MGAT4C: variants seen among roughly 807,000 people sequenced by gnomAD.
The protein encoded by MGAT4C is MGAT4 family member C.
A neutral mutation model predicts 40.1 loss-of-function variants in MGAT4C; 19 were observed. The ratio of observed to expected loss-of-function variants is 0.47; its 90% CI spans 0.33 to 0.70. The LOEUF is 0.70. Ranked by LOEUF, MGAT4C falls within the 30% of genes least tolerant of loss-of-function variation. The pLI is 0.02. For synonymous variants in MGAT4C, 181 were observed against 187.1 expected (o/e 0.97, Z 0.27); for missense variants, 491 against 563.2 (o/e 0.87, Z 1.30).
intron 1 of MGAT4C, among the ~76,000 whole-genome samples, chr12:86,130,286 T>TAAA (rs10650827): frequency 0.63 from 95,439 of 151,508 alleles, 30,600 homozygotes; most frequent in East Asian, 0.93. Context: ...ATCACAAAAA[T>TAAA]GAAAATACCC....
chr12:86,721,764 CA>C (rs1181577569), intron 2 of MGAT4C, among the ~76,000 whole-genome samples: 1 of 151,894 alleles, frequency 6.6e-6, no homozygotes, highest in African/African-American at 2.4e-5. Context: ...TAAGATTGAA[CA>C]AAAAAACACA....
chr12:86,721,107 A>G (rs953659936), intron 2 of MGAT4C, among the ~76,000 whole-genome samples: 45 of 152,180 alleles, frequency 3.0e-4, no homozygotes, highest in African/African-American at 9.4e-4. Context: ...TTATTGACTC[A>G]TGCTTGAAAA....
rs563750284 is a variant in MGAT4C, at chr12:86,180,047, C to T, written c.-57+76192G>A. 3.3e-5 allele frequency among the ~76,000 whole-genome samples: 5 copies of T among 152,328 alleles called. No individual in the cohort carries two copies. In the East Asian group the frequency reaches 9.7e-4, roughly 29 times the overall value. On this transcript the variant is annotated intron_variant, in intron 1 of 4. Transcript: ENST00000611864. Reference sequence around the variant, plus strand: ...AAACAGTTTTGTGGGCCAGGCCAGGCTCCCTGTGCTGTGTGCACCCTTGGG... The same window carrying T: ...AAACAGTTTTGTGGGCCAGGCCAGGTTCCCTGTGCTGTGTGCACCCTTGGG...
chr12:86,180,674 GC>G (rs1888013776), intron 1 of MGAT4C, among the ~76,000 whole-genome samples: 1 of 152,164 alleles, frequency 6.6e-6, no homozygotes, highest in African/African-American at 2.4e-5. Flanking sequence ...ACTAGCATGG[GC>G]CCTCTTACCC....
At chr12:86,411,830 G>C (rs1329529477) in intron 3 of MGAT4C, among the ~76,000 whole-genome samples, 1 of 152,166 alleles carries the variant, frequency 6.6e-6, no homozygotes. Flanking sequence ...CGGAGGACTA[G>C]GATTGAAGAA....
At chr12:86,743,003 ATGTG>A (rs1258242273) in intron 1 of MGAT4C, among the ~76,000 whole-genome samples, 1 of 150,286 alleles carries the variant, frequency 6.7e-6, no homozygotes, top group South Asian at 2.1e-4. Context: ...GTATGTGTGT[ATGTG>A]TATGTGTGTA....
chr12:86,441,365 T>TTAC (rs1228269863), intron 2 of MGAT4C, among the ~76,000 whole-genome samples: 4 of 151,254 alleles, frequency 2.6e-5, no homozygotes, highest in Non-Finnish European at 4.4e-5. Context: ...ATTATTATTA[T>TTAC]ACTTTAAGTT....
At chr12:86,517,790 C>T (rs986293461) in intron 2 of MGAT4C, among the ~76,000 whole-genome samples, 30 of 152,144 alleles carry the variant, frequency 2.0e-4, no homozygotes, top group Non-Finnish European at 3.2e-4. Context: ...GGACGACAGG[C>T]GCCCGCCACC....
intron 1 of MGAT4C, among the ~76,000 whole-genome samples, chr12:86,099,839 GA>G (rs1874639599): frequency 6.6e-6 from 1 of 151,216 alleles, no homozygotes; most frequent in African/African-American, 2.4e-5. Flanking sequence ...AATATTTTAT[GA>G]TTTATTTTAA....
rs981554657 is a variant in MGAT4C, at chr12:86,811,703, G to T, written c.-262+26963C>A. 3.3e-5 allele frequency among the ~76,000 whole-genome samples: 5 copies of T among 151,068 alleles called. 1 individual carries two copies. Among genetic ancestry groups the T allele is most frequent in the Non-Finnish European group, 7.4e-5 (5 of 67,672 alleles). ...TATCCCCAATTTCATTTCTCATATT[G>T]ACAATTTGTGTTTTCTTTTATTATT... On this transcript the variant is annotated intron_variant, in intron 1 of 7. Transcript: ENST00000548651.
chr12:85,992,188 A>G (rs1323344092), intron 2 of MGAT4C, among the ~76,000 whole-genome samples: 1 of 152,236 alleles, frequency 6.6e-6, no homozygotes, highest in Non-Finnish European at 1.5e-5. Flanking sequence ...AGTCAGTTAA[A>G]AGCGACTAGC....
chr12:86,451,355 C>T (rs1461750403), intron 2 of MGAT4C, among the ~76,000 whole-genome samples: 1 of 152,148 alleles, frequency 6.6e-6, no homozygotes, highest in Non-Finnish European at 1.5e-5. Context: ...TTCCTGTACA[C>T]CTGCAGAATC....
At chr12:86,672,541 A>G (rs1424150124) in intron 2 of MGAT4C, among the ~76,000 whole-genome samples, 1 of 152,140 alleles carries the variant, frequency 6.6e-6, no homozygotes, top group Non-Finnish European at 1.5e-5. Context: ...CCATTCAAAG[A>G]AAAAACAAGA....
chr12:86,259,038 T>G (rs185143537), upstream of MGAT4C, among the ~76,000 whole-genome samples: 12 of 152,086 alleles, frequency 7.9e-5, no homozygotes, highest in Non-Finnish European at 2.9e-5. Flanking sequence ...AAATACAGGA[T>G]ATAATAGTTC....
intron 2 of MGAT4C, among the ~76,000 whole-genome samples, chr12:86,624,218 T>C (rs577956696): frequency 6.6e-6 from 1 of 152,158 alleles, no homozygotes; most frequent in Non-Finnish European, 1.5e-5. Flanking sequence ...TTTTACAAAA[T>C]GAGATGTCCA....
chr12:86,508,341 G>C (rs1958509063), intron 2 of MGAT4C, among the ~76,000 whole-genome samples: 1 of 152,102 alleles, frequency 6.6e-6, no homozygotes, highest in African/African-American at 2.4e-5. Flanking sequence ...AGTTTACTGA[G>C]AATGATGATT....
At chr12:86,119,689 G>A (rs1328552640) in intron 1 of MGAT4C, among the ~76,000 whole-genome samples, 1 of 150,644 alleles carries the variant, frequency 6.6e-6, no homozygotes, top group East Asian at 2.0e-4. Flanking sequence ...AATTACAGCG[G>A]TGAGCCACTA....
chr12:86,029,689 C>G (rs547814698), intron 2 of MGAT4C, among the ~76,000 whole-genome samples: 8 of 152,036 alleles, frequency 5.3e-5, no homozygotes, highest in African/African-American at 1.7e-4. Flanking sequence ...TAATTTAATA[C>G]TGTTGCCCAT....
At chr12:86,099,662 A>G (rs1003687338) in intron 1 of MGAT4C, among the ~76,000 whole-genome samples, 1 of 151,362 alleles carries the variant, frequency 6.6e-6, no homozygotes, top group Admixed American at 6.6e-5. Flanking sequence ...AAATCAGTTA[A>G]AAGGAAATTT....
Sources: allele counts gnomAD v4.1 joint callset (sites outside exome capture counted in the v4.1 genomes callset), GRCh38; gene constraint gnomAD v4.1.1; transcripts MANE v1.5; gene names NCBI Gene and HGNC (gene_info 2026-07-23, HGNC 2026-07-21).